RUFY3: variants seen among roughly 807,000 people sequenced by gnomAD.
RUFY3 encodes RUN and FYVE domain containing 3, also known as protein RUFY3.
In RUFY3, 34 loss-of-function variants were observed where a neutral mutation model predicts 84.0. That is an observed-to-expected ratio of 0.40 (90% confidence interval 0.31 to 0.54). The LOEUF (loss-of-function observed/expected upper bound fraction) is 0.54, where lower values mean the gene tolerates loss of function less well. Ranked by LOEUF, RUFY3 falls within the 20% of genes least tolerant of loss-of-function variation. The pLI is 0.39. For synonymous variants in RUFY3, 242 were observed against 252.9 expected (o/e 0.96, Z 0.41); for missense variants, 507 against 736.8 (o/e 0.69, Z 3.61).
At chr4:70,798,948 A>G (rs1186153976) in intron 14 of RUFY3, among the ~76,000 whole-genome samples, 1 of 150,534 alleles carries the variant, frequency 6.6e-6, no homozygotes, top group African/African-American at 2.4e-5. Flanking sequence ...TCGGGAGTTC[A>G]AGACCATCCT....
At chr4:70,770,653 C>G (rs1726804007) in intron 5 of RUFY3, among the ~76,000 whole-genome samples, 1 of 152,158 alleles carries the variant, frequency 6.6e-6, no homozygotes, top group South Asian at 2.1e-4. Context: ...ACAGACCACT[C>G]AAACTTTATT....
chr4:70,780,329 T>C (rs1368172135), intron 8 of RUFY3, among the ~76,000 whole-genome samples: 1 of 152,188 alleles, frequency 6.6e-6, no homozygotes, highest in East Asian at 1.9e-4. Context: ...AGAGTATTGC[T>C]TTGTCGCCCA....
At position 70,804,401 on chromosome 4, in the gene RUFY3, C is replaced by T. The variant is rs765707079; in HGVS notation, c.1704C>T (p.Asp568=). 16 of 1,613,752 alleles carry T rather than the reference C, an allele frequency of 9.9e-6. No individual in the cohort carries two copies. In the African/African-American group the frequency reaches 1.1e-4, roughly 11 times the overall value. The change falls in exon 17 of 18, where the codon GAC becomes GAT. Residue 568 remains aspartate, a synonymous_variant. Transcript: ENST00000381006. ...AGTTGTGTCAGCTATGCCAGGAAGA[C>T]GGCAGCCTAACAAAGGTAACTGTGA... ...KPQLCQLCQE[D]GSLTKNVCKN... is the part of the protein sequence containing the mutation.
chr4:70,786,987 A>T (rs953551538), intron 10 of RUFY3, among the ~76,000 whole-genome samples: 2 of 151,666 alleles, frequency 1.3e-5, no homozygotes, highest in Non-Finnish European at 1.5e-5. Flanking sequence ...CCTGGGCAAC[A>T]TAGGGACACC....
intron 1 of RUFY3, among the ~76,000 whole-genome samples, chr4:70,741,321 A>G (rs941187136): frequency 2.6e-5 from 4 of 152,144 alleles, no homozygotes; most frequent in African/African-American, 9.6e-5. Context: ...AGAGCCTTTG[A>G]TTTTCAATAG....
intron 1 of RUFY3, among the ~76,000 whole-genome samples, chr4:70,760,788 G>T (rs1029265571): frequency 3.3e-5 from 5 of 152,106 alleles, no homozygotes; most frequent in Non-Finnish European, 7.4e-5. Flanking sequence ...ATGCAAGAAA[G>T]AATTAATGGT....
chr4:70,801,163 C>CAA (rs561597683), intron 15 of RUFY3, among the ~76,000 whole-genome samples: 5 of 64,284 alleles, frequency 7.8e-5, no homozygotes, highest in South Asian at 4.6e-4. Context: ...ACTATGGAGA[C>CAA]AAAAAAAAAA....
rs537701263 is a variant in RUFY3 at position 70,736,376 on chromosome 4, C to T, written c.178+13625C>T. 9.6e-4 allele frequency among the ~76,000 whole-genome samples: 146 copies of T among 152,070 alleles called. 1 individual carries two copies. Among genetic ancestry groups the T allele is most frequent in the Non-Finnish European group, 1.8e-3 (121 of 68,010 alleles). On this transcript the variant is annotated intron_variant, in intron 1 of 17. Coordinates refer to ENST00000381006, the MANE Select transcript of RUFY3 (RefSeq NM_001037442.4). ...AGATTTAGTATCAGATTCTCTTTTT[C>T]AATGTATACACTTTTTCAATGTATA...
At chr4:70,724,055 T>C (rs576235133) in intron 1 of RUFY3, among the ~76,000 whole-genome samples, 1 of 152,354 alleles carries the variant, frequency 6.6e-6, no homozygotes, top group Non-Finnish European at 1.5e-5. Context: ...CAGCTTTCTT[T>C]GGCTGTATGT....
chr4:70,715,504 ATC>A (rs1741457883), intron 1 of RUFY3, among the ~76,000 whole-genome samples: 2 of 150,084 alleles, frequency 1.3e-5, no homozygotes, highest in Non-Finnish European at 1.5e-5. Context: ...AGGCAGAAGA[ATC>A]GCTTGAACCC....
intron 9 of RUFY3, among the ~76,000 whole-genome samples, chr4:70,783,958 T>G (rs1461133230): frequency 6.6e-6 from 1 of 152,196 alleles, no homozygotes; most frequent in Non-Finnish European, 1.5e-5. Flanking sequence ...CTACTCTCCC[T>G]AGGAATTCAA....
At chr4:70,725,606 C>T (rs1035707954) in intron 1 of RUFY3, among the ~76,000 whole-genome samples, 3 of 152,184 alleles carry the variant, frequency 2.0e-5, no homozygotes, top group African/African-American at 4.8e-5. Flanking sequence ...GCTGGGATTA[C>T]AGGTGTGAGC....
chr4:70,763,583 C>T lies in RUFY3; in HGVS notation c.384C>T (p.Ser128=). 6.2e-7 allele frequency: 1 copy of T among 1,612,156 alleles called. No individual in the cohort carries two copies. Among genetic ancestry groups the T allele is most frequent in the Non-Finnish European group, 8.5e-7 (1 of 1,179,390 alleles). Residue 128 remains serine (S), a synonymous_variant, in exon 3 of 18, where the codon TCC becomes TCT. Transcript: ENST00000381006. The part of the protein sequence containing the change: ...AKKTFLGQNK[S]FWGPLELVEK... ...AAACTTTTCTCGGACAAAATAAATC[C>T]TTCTGGGGGCCTCTAGAACTGGTAG...
At chr4:70,756,764 T>C (rs1724090483) in intron 1 of RUFY3, among the ~76,000 whole-genome samples, 1 of 152,202 alleles carries the variant, frequency 6.6e-6, no homozygotes, top group Non-Finnish European at 1.5e-5. Context: ...TCCCCTGGTA[T>C]CCTGTATATA....
chr4:70,756,219 T>G (rs1443508307), intron 1 of RUFY3, among the ~76,000 whole-genome samples: 1 of 152,170 alleles, frequency 6.6e-6, no homozygotes. Context: ...CTCCCTCTTC[T>G]CCATACAGCC....
At chr4:70,734,117 T>G (rs564493348) in intron 1 of RUFY3, among the ~76,000 whole-genome samples, 3 of 152,350 alleles carry the variant, frequency 2.0e-5, no homozygotes, top group African/African-American at 7.2e-5. Context: ...TTTGGGTTTT[T>G]TTCAAACACA....
chr4:70,719,269 G>A (rs922001941), upstream of RUFY3, among the ~76,000 whole-genome samples: 1 of 152,196 alleles, frequency 6.6e-6, no homozygotes, highest in Non-Finnish European at 1.5e-5. Flanking sequence ...AACTTTAGTT[G>A]TTTTGGGCTT....
At position 70,731,123 on chromosome 4, in the gene RUFY3, C is replaced by T. The variant is rs139556471; in HGVS notation, c.178+8372C>T. Among the ~76,000 whole-genome samples the T allele has an allele frequency of 8.4e-3, 1,274 of 151,712 alleles. 12 individuals are homozygous for T. The highest frequency in any genetic ancestry group is 0.014 in the Non-Finnish European group (923 of 67,880). ...CGCGATTTCGGCTCACTGCAACCTC[C>T]GCCTCCTGGGTTCAAACAATTCTCC... On this transcript the variant is annotated intron_variant, in intron 1 of 17. Coordinates refer to ENST00000381006, the MANE Select transcript of RUFY3 (RefSeq NM_001037442.4).
intron 1 of RUFY3, among the ~76,000 whole-genome samples, chr4:70,747,778 G>GGT (rs1485987896): frequency 2.0e-5 from 3 of 152,170 alleles, no homozygotes; most frequent in Non-Finnish European, 4.4e-5. Context: ...TATTCAGGAG[G>GGT]CTGAGGTGGG....
Sources: gnomAD v4.1 joint callset for allele counts (sites outside exome capture counted in the v4.1 genomes callset) on GRCh38, gnomAD v4.1.1 for gene constraint, MANE v1.5 for transcripts, NCBI Gene and HGNC (gene_info 2026-07-23, HGNC 2026-07-21) for gene names.